The following ANKS1A variants were observed in gnomAD, a reference collection of about 807,000 sequenced individuals.
ANKS1A encodes the protein ankyrin repeat and SAM domain-containing protein 1A.
ANKS1A carries 55 observed loss-of-function variants against 120.3 expected under a neutral mutation model. That is an observed-to-expected ratio of 0.46 (90% CI 0.37 to 0.57). ANKS1A has a LOEUF of 0.57. Ranked by LOEUF, ANKS1A falls within the 20% of genes least tolerant of loss-of-function variation. The pLI, the probability that ANKS1A is intolerant of heterozygous loss-of-function variation, is 0.00. For synonymous variants in ANKS1A, 590 were observed against 604.7 expected (o/e 0.98, Z 0.36); for missense variants, 1,123 against 1,480.3 (o/e 0.76, Z 3.96).
chr6:34,918,260 G>A (rs552911870), intron 1 of ANKS1A, among the ~76,000 whole-genome samples: 5 of 152,234 alleles, frequency 3.3e-5, no homozygotes, highest in East Asian at 1.9e-4. Flanking sequence ...GTAGTGGTTC[G>A]GAGTATGGTT....
intron 1 of ANKS1A, among the ~76,000 whole-genome samples, chr6:34,901,346 T>C (rs1460406843): frequency 2.0e-5 from 3 of 152,190 alleles, no homozygotes; most frequent in Non-Finnish European, 4.4e-5. Context: ...AAATGATGGT[T>C]GATGCTGTCT....
chr6:34,967,819 TC>T (rs2127509384), intron 2 of ANKS1A, among the ~76,000 whole-genome samples: 1 of 152,082 alleles, frequency 6.6e-6, no homozygotes, highest in South Asian at 2.1e-4. Flanking sequence ...TAAACATCCT[TC>T]CCCACCCTAC....
At chr6:35,087,175 C>T in intron 23 of ANKS1A, 126 bp downstream of exon 23, 1 of 940,904 alleles carries the variant, frequency 1.1e-6, no homozygotes. Flanking sequence ...AAGGCCCCAC[C>T]TGCACTGGGA....
chr6:34,967,200 G>A, intron 1 of ANKS1A, 39 bp from the exon 2 acceptor site: 1 of 1,600,992 alleles, frequency 6.2e-7, no homozygotes, highest in Non-Finnish European at 8.5e-7. Flanking sequence ...ACTTCGGTCT[G>A]TGAAATCTAT....
At chr6:34,906,353 C>T (rs968714923) in intron 1 of ANKS1A, among the ~76,000 whole-genome samples, 2 of 152,192 alleles carry the variant, frequency 1.3e-5, no homozygotes, top group African/African-American at 4.8e-5. Flanking sequence ...CTGTCTTCTC[C>T]CTTCATCCAT....
At chr6:35,056,919 G>A (rs1454354663) in intron 12 of ANKS1A, among the ~76,000 whole-genome samples, 2 of 151,876 alleles carry the variant, frequency 1.3e-5, no homozygotes, top group Non-Finnish European at 2.9e-5. Flanking sequence ...AGGGAGTACT[G>A]TCTTCAGCTT....
intron 1 of ANKS1A, among the ~76,000 whole-genome samples, chr6:34,917,369 TC>T (rs1768217861): frequency 6.6e-6 from 1 of 152,230 alleles, no homozygotes; most frequent in African/African-American, 2.4e-5. Context: ...CAGTTAGAAG[TC>T]AGCGATGCTT....
intron 11 of ANKS1A, among the ~76,000 whole-genome samples, chr6:35,053,679 A>G (rs1776070269): frequency 6.6e-6 from 1 of 152,228 alleles, no homozygotes; most frequent in Admixed American, 6.5e-5. Flanking sequence ...TCAGGGTAGC[A>G]TGGAACAAAG....
intron 1 of ANKS1A, among the ~76,000 whole-genome samples, chr6:34,952,710 C>CTT (rs774626309): frequency 1.5e-4 from 22 of 142,282 alleles, no homozygotes; most frequent in Admixed American, 1.5e-3. Flanking sequence ...TATTTAAGTT[C>CTT]TTTTTTTTTT....
intron 13 of ANKS1A, among the ~76,000 whole-genome samples, chr6:35,068,889 G>A (rs989831923): frequency 1.3e-5 from 2 of 152,198 alleles, no homozygotes; most frequent in African/African-American, 4.8e-5. Flanking sequence ...CCGGCCGAGT[G>A]TAAAGTCTGG....
intron 5 of ANKS1A, 58 bp from the exon 6 acceptor site, chr6:34,983,054 CT>C: frequency 6.5e-7 from 1 of 1,541,496 alleles, no homozygotes; most frequent in Non-Finnish European, 9.0e-7. Context: ...AAATTTGACC[CT>C]TTTGGAGGCT....
chr6:35,080,890 CG>C, intron 16 of ANKS1A, 103 bp from the exon 17 acceptor site: 2 of 1,403,208 alleles, frequency 1.4e-6, no homozygotes. Context: ...CTGCTTCTCC[CG>C]GTGCCGCTGC....
At chr6:34,948,577 T>C (rs1769917572) in intron 1 of ANKS1A, among the ~76,000 whole-genome samples, 1 of 152,142 alleles carries the variant, frequency 6.6e-6, no homozygotes, top group African/African-American at 2.4e-5. Context: ...TTAGCCCCAG[T>C]TGAGGGGTTA....
At chr6:35,093,377 AAAAC>A (rs555761906), downstream of ANKS1A, among the ~76,000 whole-genome samples, 186 of 152,266 alleles carry the variant, frequency 1.2e-3, no homozygotes, top group Non-Finnish European at 2.1e-3. Context: ...TAAAAACAAA[AAAAC>A]AAACAAAACT....
chr6:35,016,091 G>GT (rs1446293482), intron 10 of ANKS1A, among the ~76,000 whole-genome samples: 1 of 152,202 alleles, frequency 6.6e-6, no homozygotes, highest in Non-Finnish European at 1.5e-5. Flanking sequence ...GGATTTTTAA[G>GT]TATCATGCAG....
chr6:34,961,102 G>T (rs145369483), intron 1 of ANKS1A, among the ~76,000 whole-genome samples: 1 of 152,154 alleles, frequency 6.6e-6, no homozygotes, highest in African/African-American at 2.4e-5. Context: ...AATCTTTACA[G>T]GTTAAACTTT....
chr6:35,039,349 C>T (rs934934561), intron 11 of ANKS1A, among the ~76,000 whole-genome samples: 3 of 151,794 alleles, frequency 2.0e-5, no homozygotes, highest in African/African-American at 2.4e-5. Flanking sequence ...ATGCATGCGC[C>T]ACCACACCTG....
At chr6:34,962,396 A>G (rs1770683765) in intron 1 of ANKS1A, among the ~76,000 whole-genome samples, 1 of 152,236 alleles carries the variant, frequency 6.6e-6, no homozygotes, top group South Asian at 2.1e-4. Context: ...TGTATACATT[A>G]TGATGTTTTA....
chr6:34,931,747 A>G (rs1417552331), intron 1 of ANKS1A, among the ~76,000 whole-genome samples: 1 of 152,162 alleles, frequency 6.6e-6, no homozygotes, highest in Non-Finnish European at 1.5e-5. Flanking sequence ...ACCCCCTATA[A>G]TCTAGGTGCA....
Sources: gnomAD v4.1 joint callset for allele counts (sites outside exome capture counted in the v4.1 genomes callset) on GRCh38, gnomAD v4.1.1 for gene constraint, MANE v1.5 for transcripts, NCBI Gene and HGNC (gene_info 2026-07-23, HGNC 2026-07-21) for gene names.